Variants in RIMS2 observed in about 807,000 individuals in gnomAD.
RIMS2 encodes regulating synaptic membrane exocytosis protein 2.
In RIMS2, 59 loss-of-function variants were observed where a neutral mutation model predicts 174.4. That is an observed-to-expected ratio of 0.34 (90% confidence interval 0.27 to 0.42). The LOEUF (loss-of-function observed/expected upper bound fraction) is 0.42. RIMS2 is among the 10% of genes least tolerant of loss of function. The probability of loss-of-function intolerance (pLI) is 1.00; values close to 1 mark genes in which losing one functional copy is unlikely to be tolerated. For synonymous variants in RIMS2, 606 were observed against 572.5 expected, an observed-to-expected ratio of 1.06 and a Z score of -0.84; for missense variants, 1,620 against 1,666.3, an observed-to-expected ratio of 0.97 and a Z score of 0.48.
At chr8:103,837,516 C>T (rs2098906348) in intron 3 of RIMS2, among the ~76,000 whole-genome samples, 1 of 152,178 alleles carries the variant, frequency 6.6e-6, no homozygotes, top group Non-Finnish European at 1.5e-5. Flanking sequence ...AATGCTATCC[C>T]TCCCCCCTCA....
At chr8:103,848,510 G>C (rs1393741400) in intron 3 of RIMS2, among the ~76,000 whole-genome samples, 1 of 151,998 alleles carries the variant, frequency 6.6e-6, no homozygotes, top group African/African-American at 2.4e-5. Context: ...TGCTGAGTCT[G>C]TCTGGTCTTA....
chr8:103,953,704 G>A (rs945838938), intron 14 of RIMS2, among the ~76,000 whole-genome samples: 2 of 152,080 alleles, frequency 1.3e-5, no homozygotes, highest in African/African-American at 2.4e-5. Context: ...TCATGGGCAA[G>A]ATAACCCATT....
chr8:104,223,895 A>C (rs1237209458), intron 19 of RIMS2: 4 of 913,718 alleles, frequency 4.4e-6, no homozygotes, highest in Non-Finnish European at 6.7e-6. Context: ...GCAGTGTCCC[A>C]GCCCCTCTGC....
chr8:103,751,165 C>A (rs375686583), intron 2 of RIMS2, among the ~76,000 whole-genome samples: 1 of 152,156 alleles, frequency 6.6e-6, no homozygotes, highest in East Asian at 1.9e-4. Context: ...TGCCCCATCT[C>A]AGTTCCCACG....
At chr8:104,237,335 T>C (rs2099263898) in intron 19 of RIMS2, among the ~76,000 whole-genome samples, 1 of 152,200 alleles carries the variant, frequency 6.6e-6, no homozygotes, top group African/African-American at 2.4e-5. Context: ...TATTAATGGC[T>C]TAACACAAAA....
At chr8:103,633,299 G>A (rs140436224) in intron 1 of RIMS2, among the ~76,000 whole-genome samples, 18,736 of 150,634 alleles carry the variant, frequency 0.12, 1,256 homozygotes, top group Middle Eastern at 0.22. Context: ...CACCTGCCTC[G>A]ATTTCCCAAA....
chr8:103,577,788 G>A (rs944080993), intron 1 of RIMS2, among the ~76,000 whole-genome samples: 1 of 152,078 alleles, frequency 6.6e-6, no homozygotes, highest in Non-Finnish European at 1.5e-5. Context: ...AGAAACCTTG[G>A]ACCTGAGAAA....
At chr8:103,795,020 A>G (rs1034089669) in intron 3 of RIMS2, among the ~76,000 whole-genome samples, 2 of 152,244 alleles carry the variant, frequency 1.3e-5, no homozygotes, top group Non-Finnish European at 2.9e-5. Context: ...TGTGGAAGTC[A>G]GTGTGGCAAT....
At chr8:103,533,332 G>C (rs558614562) in intron 1 of RIMS2, among the ~76,000 whole-genome samples, 1 of 152,262 alleles carries the variant, frequency 6.6e-6, no homozygotes, top group African/African-American at 2.4e-5. Flanking sequence ...CACAACAAGT[G>C]ATTTTTGAGT....
At chr8:103,562,598 T>C (rs923048010) in intron 1 of RIMS2, among the ~76,000 whole-genome samples, 1 of 152,160 alleles carries the variant, frequency 6.6e-6, no homozygotes, top group African/African-American at 2.4e-5. Flanking sequence ...TGTCTGCGGC[T>C]TTTCCAGGTG....
rs533490608 is a variant in RIMS2, at chr8:103,792,576, C to G, written c.698+26039C>G. Among the ~76,000 whole-genome samples, 7 of 147,822 alleles carry G rather than the reference C, an allele frequency of 4.7e-5. No homozygotes were observed. In the East Asian group the frequency reaches 1.4e-3, roughly 29 times the overall value. On this transcript the variant is annotated intron_variant, in intron 3 of 23. Transcript: ENST00000504942. ...AGGCAAGAAATAACTAAGATCAGAG[C>G]AGAACTGAAGGAGGTAGAGACACAA... is the stretch of plus-strand genomic sequence containing the variant.
intron 2 of RIMS2, among the ~76,000 whole-genome samples, chr8:103,703,225 T>TTTTG (rs939993751): frequency 2.0e-4 from 31 of 151,888 alleles, no homozygotes; most frequent in South Asian, 1.0e-3. Flanking sequence ...CCGTCATTGT[T>TTTTG]TTTGTTTGTT....
At chr8:104,015,198 A>G (rs979151276) in intron 19 of RIMS2, among the ~76,000 whole-genome samples, 3 of 152,216 alleles carry the variant, frequency 2.0e-5, no homozygotes, top group African/African-American at 7.2e-5. Context: ...AGCATGGATA[A>G]CTGAATATAA....
At chr8:103,640,933 T>G (rs2135519794) in intron 1 of RIMS2, among the ~76,000 whole-genome samples, 1 of 152,266 alleles carries the variant, frequency 6.6e-6, no homozygotes, top group Admixed American at 6.5e-5. Context: ...ATATGTCAAT[T>G]ATTGATAGCT....
intron 19 of RIMS2, among the ~76,000 whole-genome samples, chr8:104,161,749 A>C (rs2098763046): frequency 6.6e-6 from 1 of 152,164 alleles, no homozygotes; most frequent in African/African-American, 2.4e-5. Flanking sequence ...TCACAAGACC[A>C]AAATCAAGGT....
chr8:104,177,564 G>A (rs1157520880), intron 19 of RIMS2, among the ~76,000 whole-genome samples: 2 of 151,982 alleles, frequency 1.3e-5, no homozygotes, highest in Non-Finnish European at 2.9e-5. Flanking sequence ...AAATTTAAAC[G>A]CTTAAATGTG....
chr8:104,084,222 C>T (rs1242108360), intron 19 of RIMS2, among the ~76,000 whole-genome samples: 1 of 151,854 alleles, frequency 6.6e-6, no homozygotes. Flanking sequence ...GGGTGGATCA[C>T]TTGACGTCAG....
At chr8:104,171,160 G>A (rs2098829951) in intron 19 of RIMS2, among the ~76,000 whole-genome samples, 1 of 152,078 alleles carries the variant, frequency 6.6e-6, no homozygotes, top group African/African-American at 2.4e-5. Flanking sequence ...AGTTCTTGGA[G>A]CTTTTTGTAT....
chr8:103,977,134 T>A (rs975591782), intron 16 of RIMS2: 1 of 152,214 alleles, frequency 6.6e-6, no homozygotes, highest in Non-Finnish European at 1.5e-5. Context: ...AATATTGGAA[T>A]GTCTAAGACA....
Sources: gnomAD v4.1 joint callset for allele counts (sites outside exome capture counted in the v4.1 genomes callset) on GRCh38, gnomAD v4.1.1 for gene constraint, MANE v1.5 for transcripts, NCBI Gene and HGNC (gene_info 2026-07-23, HGNC 2026-07-21) for gene names.